OTUD7A: variants seen among roughly 807,000 people sequenced by gnomAD.
OTUD7A encodes the protein OTU domain-containing protein 7A.
Under a neutral mutation model 65.7 loss-of-function variants are expected in OTUD7A, and 12 were observed. The ratio of observed to expected loss-of-function variants is 0.18; its 90% confidence interval spans 0.12 to 0.30. The LOEUF (loss-of-function observed/expected upper bound fraction) is 0.30, where lower values mean the gene tolerates loss of function less well. Among genes scored for constraint, OTUD7A ranks in the 10% least tolerant of loss-of-function variants. The pLI is 1.00. For missense variants in OTUD7A, 1,148 were observed against 1,304.8 expected (o/e 0.88, Z 1.85); for synonymous variants, 641 against 586.3 (o/e 1.09, Z -1.35).
intron 5 of OTUD7A, among the ~76,000 whole-genome samples, chr15:31,537,461 C>CAA (rs1887841934): frequency 6.6e-6 from 1 of 152,218 alleles, no homozygotes; most frequent in African/African-American, 2.4e-5. Flanking sequence ...ACCTACAAGT[C>CAA]ACCTTATTAA....
chr15:31,484,784 C>A lies in OTUD7A; in HGVS notation c.1372-60G>T. The A allele has an allele frequency of 6.5e-7, 1 of 1,547,318 alleles. No homozygotes were observed. The highest frequency in any genetic ancestry group is 8.7e-7 in the Non-Finnish European group (1 of 1,151,670). On this transcript the variant is annotated intron_variant, in intron 12 of 12. Transcript: ENST00000307050. This position sits in a 1 kb window ranked among gnomAD's most constrained non-coding sequence, Gnocchi z 4.5. The stretch of plus-strand genomic sequence containing the variant: ...TAGAGAAGAGCTGTCCACGCGCCAG[C>A]GAGGAAGACACACCTTGCCCCTGTG...
intron 1 of OTUD7A, among the ~76,000 whole-genome samples, chr15:31,756,389 A>G (rs1894811550): frequency 6.6e-6 from 1 of 152,136 alleles, no homozygotes; most frequent in Non-Finnish European, 1.5e-5. Flanking sequence ...TCTCCTCTCA[A>G]GGTACTTTTC....
intron 1 of OTUD7A, among the ~76,000 whole-genome samples, chr15:31,848,253 G>C (rs768951965): frequency 6.6e-6 from 1 of 152,180 alleles, no homozygotes; most frequent in Non-Finnish European, 1.5e-5. Flanking sequence ...GCAGGGGCTA[G>C]GGTCTTGAAG....
chr15:31,569,268 A>C (rs914746028), intron 4 of OTUD7A, among the ~76,000 whole-genome samples: 25 of 152,252 alleles, frequency 1.6e-4, no homozygotes, highest in African/African-American at 5.8e-4. Flanking sequence ...TTTCAGTGGC[A>C]ATTAACAAAT....
intron 1 of OTUD7A, among the ~76,000 whole-genome samples, chr15:31,769,393 T>G (rs1895173303): frequency 6.6e-6 from 1 of 152,188 alleles, no homozygotes; most frequent in South Asian, 2.1e-4. Context: ...ATACCTGGAA[T>G]ACAGTTGGGC....
intron 4 of OTUD7A, among the ~76,000 whole-genome samples, chr15:31,565,882 A>C (rs1566923040): frequency 6.6e-6 from 1 of 152,210 alleles, no homozygotes; most frequent in Non-Finnish European, 1.5e-5. Flanking sequence ...AAAGAACAAA[A>C]TTTAAATTAA....
chr15:31,766,600 G>T (rs1895100070), intron 1 of OTUD7A: 1 of 1,610,456 alleles, frequency 6.2e-7, no homozygotes, highest in Middle Eastern at 1.7e-4. Flanking sequence ...TCAGCCACTG[G>T]TGTATTGATA....
chr15:31,488,045 C>A (rs1174299041), intron 10 of OTUD7A, among the ~76,000 whole-genome samples: 1 of 152,178 alleles, frequency 6.6e-6, no homozygotes, highest in Non-Finnish European at 1.5e-5. Context: ...GTATCAGTGC[C>A]TGGGACCCAT....
intron 1 of OTUD7A, among the ~76,000 whole-genome samples, chr15:31,834,481 A>T (rs1897007945): frequency 6.6e-6 from 1 of 152,268 alleles, no homozygotes; most frequent in African/African-American, 2.4e-5. Context: ...GGGAGTAAAA[A>T]TATTAGTGAA....
intron 3 of OTUD7A, among the ~76,000 whole-genome samples, chr15:31,644,519 T>C (rs1891607797): frequency 6.6e-6 from 1 of 152,186 alleles, no homozygotes; most frequent in African/African-American, 2.4e-5. Context: ...TAGTGTTGCC[T>C]AGGCTGGAGT....
chr15:31,651,332 A>G (rs1891828960), intron 3 of OTUD7A, among the ~76,000 whole-genome samples: 4 of 150,878 alleles, frequency 2.7e-5, no homozygotes, highest in Admixed American at 2.6e-4. Context: ...TCTTCACCTG[A>G]TAAAGACCAT....
intron 1 of OTUD7A, among the ~76,000 whole-genome samples, chr15:31,749,727 A>G (rs943940776): frequency 1.3e-5 from 2 of 152,208 alleles, no homozygotes; most frequent in Non-Finnish European, 2.9e-5. Flanking sequence ...AAGAGGAAGA[A>G]ATAAAAGGTG....
chr15:31,652,731 G>A (rs550931997), intron 3 of OTUD7A, among the ~76,000 whole-genome samples: 1 of 152,112 alleles, frequency 6.6e-6, no homozygotes, highest in Admixed American at 6.6e-5. Flanking sequence ...AATTTTCAAC[G>A]TCATTAATTA....
chr15:31,657,896 C>G (rs967569010), intron 1 of OTUD7A, among the ~76,000 whole-genome samples: 1 of 152,186 alleles, frequency 6.6e-6, no homozygotes, highest in Admixed American at 6.5e-5. Flanking sequence ...TCTGGGTGGC[C>G]GTGCCCTGGC....
At position 31,478,374 on chromosome 15, in the gene OTUD7A, T is replaced by C. The variant is rs2041057760; in HGVS notation, c.*4920A>G. On this transcript the variant is annotated 3_prime_UTR_variant, in exon 13 of 13. Transcript: ENST00000307050. ...TATATATATATCCTTGATATGCTCT[T>C]TGGGAGGAATAAAAAGATGCAAGCA... 2.0e-5 allele frequency: 3 copies of C among 152,202 alleles called. No homozygotes were observed. Among genetic ancestry groups the C allele is most frequent in the African/African-American group, 7.2e-5 (3 of 41,448 alleles). 9.4% of individuals were successfully genotyped at this position (152,202 alleles called of 1,614,324 possible).
At chr15:31,575,819 G>A (rs1038374042) in intron 3 of OTUD7A, among the ~76,000 whole-genome samples, 2 of 152,166 alleles carry the variant, frequency 1.3e-5, no homozygotes, top group African/African-American at 4.8e-5. Context: ...GCCCACAAGC[G>A]GGAGGCAGAG....
At chr15:31,740,324 CCT>C (rs1158225834) in intron 1 of OTUD7A, among the ~76,000 whole-genome samples, 1 of 152,116 alleles carries the variant, frequency 6.6e-6, no homozygotes, top group African/African-American at 2.4e-5. Context: ...CTCCGCTTTC[CCT>C]CTGTGTGAAA....
chr15:31,753,702 T>TATGTGA (rs1206556359), intron 1 of OTUD7A, among the ~76,000 whole-genome samples: 5 of 11,168 alleles, frequency 4.5e-4, no homozygotes, highest in African/African-American at 5.7e-4. Flanking sequence ...TATATATATA[T>TATGTGA]TATATATATA....
At chr15:31,830,630 C>T (rs1896906612) in intron 1 of OTUD7A, among the ~76,000 whole-genome samples, 1 of 152,208 alleles carries the variant, frequency 6.6e-6, no homozygotes, top group Non-Finnish European at 1.5e-5. Flanking sequence ...AATTGTTTCA[C>T]CCTGTTGTTC....
Sources: gnomAD v4.1 joint callset for allele counts (sites outside exome capture counted in the v4.1 genomes callset) on GRCh38, gnomAD v4.1.1 for gene constraint, Gnocchi (gnomAD v3.1) non-coding constraint, MANE v1.5 for transcripts, NCBI Gene and HGNC (gene_info 2026-07-23, HGNC 2026-07-21) for gene names.